Variants in BTC observed in about 807,000 individuals in gnomAD.
BTC encodes probetacellulin.
Under a neutral mutation model 18.1 loss-of-function variants are expected in BTC, and 13 were observed. That is an observed-to-expected ratio of 0.72 (90% CI 0.47 to 1.14). The LOEUF is 1.14. BTC is among the 50% of genes most tolerant of loss of function. The pLI, the probability that BTC is intolerant of heterozygous loss-of-function variation, is 0.00. For synonymous variants in BTC, 83 were observed against 79.4 expected (o/e 1.05, Z -0.24); for missense variants, 247 against 224.2 (o/e 1.10, Z -0.65).
rs2109883884 is a variant in BTC at position 74,755,838 on chromosome 4, G to A, written c.281+21C>T. On this transcript the variant is annotated intron_variant, in intron 3 of 5. Transcript: ENST00000395743. Reference sequence around the variant, plus strand: ...ACCATTCTGCACCCTTTTGCTTGCTGGCTGAGGACACTCCACTTACACACA... The same window carrying A: ...ACCATTCTGCACCCTTTTGCTTGCTAGCTGAGGACACTCCACTTACACACA... 3 of 1,609,292 alleles carry A rather than the reference G, an allele frequency of 1.9e-6. No homozygotes were observed. In the East Asian group the frequency reaches 6.7e-5, roughly 36 times the overall value.
At chr4:74,791,666 G>T (rs937363862) in intron 1 of BTC, among the ~76,000 whole-genome samples, 1 of 152,126 alleles carries the variant, frequency 6.6e-6, no homozygotes, top group Admixed American at 6.5e-5. Flanking sequence ...ATTTGCATAT[G>T]TTAGAATGGA....
At chr4:74,790,666 C>T (rs996861732) in intron 1 of BTC, among the ~76,000 whole-genome samples, 4 of 152,178 alleles carry the variant, frequency 2.6e-5, no homozygotes, top group African/African-American at 9.7e-5. Flanking sequence ...GAGTCACCCA[C>T]AAATTCAAGG....
chr4:74,752,171 A>G (rs1724478328), intron 3 of BTC, among the ~76,000 whole-genome samples: 1 of 152,230 alleles, frequency 6.6e-6, no homozygotes, highest in Non-Finnish European at 1.5e-5. Flanking sequence ...ATCACTTGAA[A>G]GGTGAGGCTT....
At chr4:74,766,080 A>G (rs186875320) in intron 2 of BTC, among the ~76,000 whole-genome samples, 1 of 152,248 alleles carries the variant, frequency 6.6e-6, no homozygotes, top group Non-Finnish European at 1.5e-5. Flanking sequence ...CAGTAAAAAT[A>G]TGATATAAAA....
intron 4 of BTC, among the ~76,000 whole-genome samples, chr4:74,749,499 T>TAAATAAAC (rs1414440788): frequency 8.2e-4 from 123 of 149,728 alleles, no homozygotes; most frequent in Non-Finnish European, 1.5e-3. Flanking sequence ...AATAAATAAA[T>TAAATAAAC]AAATAAATAA....
At position 74,747,316 on chromosome 4, in the gene BTC, G is replaced by C. The variant is rs1040089625; in HGVS notation, c.*2-641C>G. On this transcript the variant is annotated intron_variant, in intron 5 of 5. Coordinates refer to ENST00000395743, the MANE Select transcript of BTC (RefSeq NM_001729.4). ...TTCTGGTGGGTTTAGCTAGTAGGAG[G>C]CACCTGCTGAAGATCCGAAGGCGAA... Among the ~76,000 whole-genome samples, 4 of 152,074 alleles carry C rather than the reference G, an allele frequency of 2.6e-5. No homozygotes were observed. The East Asian group carries it at 5.8e-4, about 22-fold the overall frequency.
chr4:74,777,956 G>A (rs1725219907), intron 1 of BTC, among the ~76,000 whole-genome samples: 1 of 151,670 alleles, frequency 6.6e-6, no homozygotes, highest in African/African-American at 2.4e-5. Flanking sequence ...CTGTCAGGAA[G>A]AAAACAGAAT....
At chr4:74,783,869 T>G (rs932896071) in intron 1 of BTC, among the ~76,000 whole-genome samples, 1 of 152,078 alleles carries the variant, frequency 6.6e-6, no homozygotes, top group African/African-American at 2.4e-5. Flanking sequence ...TTTTACTCTT[T>G]GTGTAGCAAT....
At chr4:74,791,278 G>C (rs1301841946) in intron 1 of BTC, among the ~76,000 whole-genome samples, 1 of 152,106 alleles carries the variant, frequency 6.6e-6, no homozygotes, top group African/African-American at 2.4e-5. Flanking sequence ...GGAGGCGGAG[G>C]TTGCAGTGAG....
At chr4:74,773,523 T>G (rs1328500764) in intron 1 of BTC, among the ~76,000 whole-genome samples, 1 of 152,112 alleles carries the variant, frequency 6.6e-6, no homozygotes, top group African/African-American at 2.4e-5. Context: ...TTGACACTGG[T>G]GCAAGACTCA....
At chr4:74,756,699 G>T (rs752695222) in intron 2 of BTC, among the ~76,000 whole-genome samples, 3 of 152,140 alleles carry the variant, frequency 2.0e-5, no homozygotes, top group Non-Finnish European at 4.4e-5. Flanking sequence ...TGCCTCCGTG[G>T]GCAATTGTGT....
chr4:74,794,071 T>G (rs369448760), intron 1 of BTC, among the ~76,000 whole-genome samples, 191 bp downstream of exon 1: 1 of 152,122 alleles, frequency 6.6e-6, no homozygotes, highest in African/African-American at 2.4e-5. Flanking sequence ...CTCCAGCAGG[T>G]GCAGCCCCAG....
At chr4:74,779,356 A>G (rs1305740189) in intron 1 of BTC, among the ~76,000 whole-genome samples, 1 of 152,136 alleles carries the variant, frequency 6.6e-6, no homozygotes, top group Non-Finnish European at 1.5e-5. Context: ...TTTTACTATT[A>G]CCATTATTAA....
At chr4:74,749,681 T>TTTTTGTG (rs1724400386) in intron 4 of BTC, among the ~76,000 whole-genome samples, 2 of 110,368 alleles carry the variant, frequency 1.8e-5, no homozygotes, top group African/African-American at 7.7e-5. Context: ...ATAAGATAGT[T>TTTTTGTG]TTTTTTGTTG....
At chr4:74,776,397 G>C (rs1725176458) in intron 1 of BTC, among the ~76,000 whole-genome samples, 1 of 152,082 alleles carries the variant, frequency 6.6e-6, no homozygotes, top group South Asian at 2.1e-4. Context: ...TAAGTGACTA[G>C]AAATTAGTCC....
At position 74,745,534 on chromosome 4, in the gene BTC, C is replaced by T. The variant is rs1378839587; in HGVS notation, c.*1143G>A. 3.3e-5 allele frequency: 5 copies of T among 152,256 alleles called. No homozygotes were observed. The highest frequency in any genetic ancestry group is 5.9e-5 in the Non-Finnish European group (4 of 68,020). The allele number at this position is 152,256 out of a possible 1,614,324, so 9.4% of individuals were successfully genotyped here. Reference sequence around the variant, plus strand: ...AGATTGTGCTTTTCCAGGTTTAAAGCAGTGTTTATTAAATATTTCATGGAG... The same window carrying T: ...AGATTGTGCTTTTCCAGGTTTAAAGTAGTGTTTATTAAATATTTCATGGAG... On this transcript the variant is annotated 3_prime_UTR_variant, in exon 6 of 6. Coordinates refer to ENST00000395743, the MANE Select transcript of BTC (RefSeq NM_001729.4).
intron 1 of BTC, among the ~76,000 whole-genome samples, chr4:74,793,010 C>G (rs139734960): frequency 2.7e-3 from 411 of 152,324 alleles, no homozygotes; most frequent in African/African-American, 9.3e-3. Flanking sequence ...ACGACAGATT[C>G]TCAGGGAATA....
intron 2 of BTC, among the ~76,000 whole-genome samples, chr4:74,768,406 T>C (rs995244387): frequency 6.6e-6 from 1 of 152,154 alleles, no homozygotes; most frequent in Non-Finnish European, 1.5e-5. Flanking sequence ...AGTACATCCA[T>C]AGAATATTAT....
Position 74,745,581 on chromosome 4 carries a change from G to A in BTC, c.*1096C>T, listed in dbSNP as rs1453381497. The stretch of plus-strand genomic sequence containing the variant: ...GGAGTAAAGGAGCACTTGGCAAGAT[G>A]GTCCCAAGTAATAGATGTTATGGTC... On this transcript the variant is annotated 3_prime_UTR_variant, in exon 6 of 6. Coordinates refer to ENST00000395743, the MANE Select transcript of BTC (RefSeq NM_001729.4). The A allele has an allele frequency of 6.6e-6, 1 of 152,102 alleles. No individual in the cohort carries two copies. The highest frequency in any genetic ancestry group is 2.4e-5 in the African/African-American group (1 of 41,408). The allele number at this position is 152,102 out of a possible 1,614,324, so 9.4% of individuals were successfully genotyped here. A position where few individuals can be genotyped will look rare whatever the true frequency, so the allele number is the denominator to read the frequency against.
Sources: gnomAD v4.1 joint callset for allele counts (sites outside exome capture counted in the v4.1 genomes callset) on GRCh38, gnomAD v4.1.1 for gene constraint, MANE v1.5 for transcripts, NCBI Gene and HGNC (gene_info 2026-07-23, HGNC 2026-07-21) for gene names.